Variants in DNAH14 observed in about 807,000 individuals in gnomAD.
DNAH14 encodes the protein axonemal beta dynein heavy chain 14.
DNAH14 carries 478 observed loss-of-function variants against 520.9 expected under a neutral mutation model. The observed-to-expected ratio is 0.92, with a 90% confidence interval of 0.85 to 0.99. The LOEUF (loss-of-function observed/expected upper bound fraction) is 0.99, where lower values mean the gene tolerates loss of function less well. Among genes scored for constraint, DNAH14 ranks in the 50% least tolerant of loss-of-function variants. The pLI, the probability that DNAH14 is intolerant of heterozygous loss-of-function variation, is 0.00. For missense variants in DNAH14, 4,831 were observed against 5,234.5 expected (o/e 0.92, Z 2.38); for synonymous variants, 1,581 against 1,757.2 (o/e 0.90, Z 2.51).
At chr1:224,995,868 A>G (rs1013869129) in intron 8 of DNAH14, among the ~76,000 whole-genome samples, 2 of 151,742 alleles carry the variant, frequency 1.3e-5, no homozygotes, top group African/African-American at 2.4e-5. Context: ...TTGTATCTTT[A>G]TTTTTAGGAT....
intron 41 of DNAH14, among the ~76,000 whole-genome samples, chr1:225,227,512 A>T (rs1558088197): frequency 6.6e-6 from 1 of 152,222 alleles, no homozygotes; most frequent in Non-Finnish European, 1.5e-5. Flanking sequence ...TTCTTAGTAC[A>T]GATCAAAATG....
intron 34 of DNAH14, among the ~76,000 whole-genome samples, chr1:225,156,555 G>A (rs998255992): frequency 6.6e-6 from 1 of 152,108 alleles, no homozygotes; most frequent in African/African-American, 2.4e-5. Flanking sequence ...TAGTCAATCA[G>A]TGTATGGCAG....
At position 225,303,341 on chromosome 1, in the gene DNAH14, C is replaced by T; in HGVS notation, c.8817C>T (p.Asn2939=). The change falls in exon 57 of 86, where the codon AAC becomes AAT. Residue 2939 remains asparagine, a synonymous_variant. Coordinates refer to ENST00000682510, the MANE Select transcript of DNAH14 (RefSeq NM_001367479.1). ...TAAAAGAAAAGGTCAATTTTGAGAACAGAGAGGTAAATATCTAATGCAAGT... is the reference window on the plus strand; with the variant it reads ...TAAAAGAAAAGGTCAATTTTGAGAATAGAGAGGTAAATATCTAATGCAAGT... The part of the protein sequence containing the change: ...SFLKEKVNFE[N]RENLKEKLAP... 1.3e-6 allele frequency: 2 copies of T among 1,546,372 alleles called. No homozygotes were observed. Among genetic ancestry groups the T allele is most frequent in the Admixed American group, 4.0e-5 (2 of 49,716 alleles).
chr1:225,323,476 T>G, intron 62 of DNAH14, among the ~76,000 whole-genome samples: 1 of 152,108 alleles, frequency 6.6e-6, no homozygotes, highest in East Asian at 1.9e-4. Flanking sequence ...TTGTTTTTTG[T>G]TTTTTGTTTT....
intron 64 of DNAH14, among the ~76,000 whole-genome samples, chr1:225,329,105 G>C (rs2094740121): frequency 6.6e-6 from 1 of 152,102 alleles, no homozygotes; most frequent in African/African-American, 2.4e-5. Context: ...AGGTTAATAA[G>C]ACTGTAAGAC....
chr1:225,258,266 TTA>T (rs2092811689), intron 45 of DNAH14, 148 bp downstream of exon 45: 1 of 739,582 alleles, frequency 1.4e-6, no homozygotes, highest in South Asian at 3.1e-5. Flanking sequence ...TACCAGCAGT[TTA>T]TGAACACCCA....
intron 7 of DNAH14, among the ~76,000 whole-genome samples, chr1:224,972,937 G>C (rs747739025): frequency 2.6e-5 from 4 of 152,094 alleles, no homozygotes; most frequent in Admixed American, 2.0e-4. Flanking sequence ...AACTTTTCTG[G>C]TATATTAGTT....
chr1:225,119,994 C>A (rs557865639), intron 26 of DNAH14, among the ~76,000 whole-genome samples: 43 of 152,298 alleles, frequency 2.8e-4, no homozygotes, highest in African/African-American at 9.9e-4. Flanking sequence ...AGTGGGTTCA[C>A]CTTGCCTGCT....
chr1:225,024,521 AT>A (rs1307995416), intron 11 of DNAH14: 1 of 152,480 alleles, frequency 6.6e-6, no homozygotes, highest in Non-Finnish European at 1.5e-5. Context: ...GCATACTTTA[AT>A]TTCTATTTAT....
At chr1:225,304,850 T>A in intron 57 of DNAH14, 58 bp from the exon 58 acceptor site, 1 of 1,377,974 alleles carries the variant, frequency 7.3e-7, no homozygotes, top group Non-Finnish European at 9.6e-7. Context: ...TTCAACTTTC[T>A]CTTTTTATGT....
At chr1:225,072,991 C>T (rs1347066636) in intron 17 of DNAH14, among the ~76,000 whole-genome samples, 1 of 152,100 alleles carries the variant, frequency 6.6e-6, no homozygotes, top group Admixed American at 6.5e-5. Context: ...GGATTGGGAA[C>T]CCACTTAACA....
chr1:225,231,744 A>T (rs1306470768), intron 42 of DNAH14, among the ~76,000 whole-genome samples: 1 of 152,058 alleles, frequency 6.6e-6, no homozygotes, highest in East Asian at 1.9e-4. Flanking sequence ...CCACTCACTT[A>T]TCTACGTCTT....
intron 63 of DNAH14, 59 bp downstream of exon 63, chr1:225,324,412 A>C (rs1167678781): frequency 1.3e-6 from 2 of 1,525,004 alleles, no homozygotes; most frequent in African/African-American, 2.8e-5. Flanking sequence ...AATGTCCCAG[A>C]AATAATTTTT....
chr1:225,322,060 T>A (rs573263586), intron 61 of DNAH14, among the ~76,000 whole-genome samples: 1 of 150,564 alleles, frequency 6.6e-6, no homozygotes, highest in South Asian at 2.1e-4. Flanking sequence ...AACTCTACAG[T>A]GAAGACTTTT....
chr1:225,255,192 G>T (rs146242097), intron 44 of DNAH14, among the ~76,000 whole-genome samples: 172 of 152,264 alleles, frequency 1.1e-3, no homozygotes, highest in African/African-American at 4.0e-3. Context: ...GTTTTATTTT[G>T]ATTTCCACTA....
At chr1:225,235,671 G>C (rs112290292) in intron 42 of DNAH14, among the ~76,000 whole-genome samples, 1 of 151,958 alleles carries the variant, frequency 6.6e-6, no homozygotes. Context: ...CCTGGTCCTG[G>C]GCTTTTTTGG....
chr1:225,174,383 A>G (rs75115542), intron 36 of DNAH14, among the ~76,000 whole-genome samples: 3,229 of 152,160 alleles, frequency 0.021, 87 homozygotes, highest in African/African-American at 0.062. Context: ...AGATGATGAT[A>G]TATGTTTTGT....
chr1:225,013,723 T>C (rs1266935542), intron 10 of DNAH14, among the ~76,000 whole-genome samples: 2 of 152,136 alleles, frequency 1.3e-5, no homozygotes, highest in Admixed American at 6.5e-5. Flanking sequence ...GTCTGCCCAG[T>C]CCAAACTTCC....
At chr1:225,375,633 T>C (rs2150704627) in intron 78 of DNAH14, among the ~76,000 whole-genome samples, 1 of 152,334 alleles carries the variant, frequency 6.6e-6, no homozygotes, top group East Asian at 1.9e-4. Context: ...GAGATTCATT[T>C]GTAAGGCATC....
Sources: gnomAD v4.1 joint callset for allele counts (sites outside exome capture counted in the v4.1 genomes callset) on GRCh38, gnomAD v4.1.1 for gene constraint, MANE v1.5 for transcripts, NCBI Gene and HGNC (gene_info 2026-07-23, HGNC 2026-07-21) for gene names.